PODN: variants seen among roughly 807,000 people sequenced by gnomAD.
PODN encodes podocan proteoglycan.
A neutral mutation model predicts 52.7 loss-of-function variants in PODN; 40 were observed. That is an observed-to-expected ratio of 0.76 (90% CI 0.59 to 0.99). The LOEUF (loss-of-function observed/expected upper bound fraction) is 0.99, where lower values mean the gene tolerates loss of function less well. Among genes scored for constraint, PODN ranks in the 50% least tolerant of loss-of-function variants. PODN has a pLI of 0.00. For missense variants in PODN, 720 were observed against 815.1 expected, an observed-to-expected ratio of 0.88 and a Z score of 1.42; for synonymous variants, 396 against 377.9, an observed-to-expected ratio of 1.05 and a Z score of -0.56.
At chr1:53,064,831 C>T (rs11584651) in intron 1 of PODN, among the ~76,000 whole-genome samples, 1 of 152,222 alleles carries the variant, frequency 6.6e-6, no homozygotes, top group Admixed American at 6.5e-5. Flanking sequence ...AGTAAAGTGG[C>T]TCATCCAGGC....
chr1:53,076,131 C>T (rs1027066384), intron 5 of PODN, among the ~76,000 whole-genome samples, 160 bp downstream of exon 5: 10 of 152,172 alleles, frequency 6.6e-5, no homozygotes, highest in African/African-American at 1.9e-4. Flanking sequence ...GAGGACAACT[C>T]GGGCCAGGAG....
At chr1:53,075,149 C>T (rs1319057550) in intron 4 of PODN, among the ~76,000 whole-genome samples, 1 of 152,210 alleles carries the variant, frequency 6.6e-6, no homozygotes, top group African/African-American at 2.4e-5. Context: ...CCTGTGCCCT[C>T]CCAGACTCTG....
intron 1 of PODN, among the ~76,000 whole-genome samples, chr1:53,068,938 G>A (rs560377078): frequency 3.3e-5 from 5 of 152,320 alleles, no homozygotes; most frequent in African/African-American, 9.6e-5. Flanking sequence ...AGCACATCAG[G>A]CCCTGGTGAG....
At chr1:53,069,479 C>A (rs1161061263) in intron 1 of PODN, among the ~76,000 whole-genome samples, 1 of 152,338 alleles carries the variant, frequency 6.6e-6, no homozygotes, top group Non-Finnish European at 1.5e-5. Flanking sequence ...TCTTCCCACA[C>A]CGCCAGTGCC....
chr1:53,070,218 G>T (rs1182797633), intron 2 of PODN, 51 bp downstream of exon 2: 27 of 1,589,556 alleles, frequency 1.7e-5, no homozygotes, highest in Non-Finnish European at 2.3e-5. Flanking sequence ...ACACACCCTT[G>T]GTTCCCATCC....
chr1:53,070,252 A>C (rs2275455), intron 2 of PODN, 85 bp downstream of exon 2: 78,571 of 1,567,930 alleles, frequency 0.05, 2,603 homozygotes, highest in East Asian at 0.2. Context: ...CTCCAAGCAA[A>C]CTGTTCACCC....
At chr1:53,071,453 C>T in intron 2 of PODN, 82 bp from the exon 3 acceptor site, 1 of 1,177,522 alleles carries the variant, frequency 8.5e-7, no homozygotes, top group South Asian at 1.5e-5. Flanking sequence ...GATTCTAGGA[C>T]TGGAGCTATG....
chr1:53,077,787 A>G lies in PODN; in HGVS notation c.841A>G (p.Asn281Asp). The G allele has an allele frequency of 1.2e-6, 2 of 1,613,418 alleles. No homozygotes were observed. Among genetic ancestry groups the G allele is most frequent in the South Asian group, 2.2e-5 (2 of 91,050 alleles). ...CTACCTGACTGACGAGGGCCTGGAC[A>G]ACGAGACCTTCTGGTGAGTCCTTGT... ...NNYLTDEGLDNETFWKLSSLE... is the reference protein window; with the variant it reads ...NNYLTDEGLDDETFWKLSSLE... The change falls in exon 7 of 11, where the codon AAC (asparagine) becomes GAC (aspartate). Residue 281 changes from asparagine to aspartate, a missense_variant. Physicochemically the swap from Asn to Asp is conservative, Grantham distance 23. Coordinates refer to ENST00000312553, the MANE Select transcript of PODN (RefSeq NM_153703.5).
intron 3 of PODN, among the ~76,000 whole-genome samples, chr1:53,072,583 C>T (rs1021137525): frequency 2.6e-5 from 4 of 152,096 alleles, no homozygotes; most frequent in African/African-American, 7.2e-5. Context: ...TGGACAACCC[C>T]GGTGCCCTCC....
intron 3 of PODN, among the ~76,000 whole-genome samples, chr1:53,072,340 T>C (rs936216703): frequency 1.3e-5 from 2 of 152,220 alleles, no homozygotes; most frequent in African/African-American, 4.8e-5. Context: ...ATACTATTAC[T>C]ATGCAACTCT....
chr1:53,078,989 C>A lies in PODN; in HGVS notation c.1479C>A (p.Gly493=), dbSNP rs760164519. The change falls in exon 8 of 11, where the codon GGC becomes GGA. Residue 493 remains glycine (G), a synonymous_variant. Transcript: ENST00000312553. ...ACCGACTGCGCAGCCGAGCCCTGGGCCCCCGTGCCTGGGTGGACCTCGCCC... is the reference window on the plus strand; with the variant it reads ...ACCGACTGCGCAGCCGAGCCCTGGGACCCCGTGCCTGGGTGGACCTCGCCC... ...TSNRLRSRAL[G]PRAWVDLAHL... is the part of the protein sequence containing the mutation. 15 of 1,565,846 alleles carry A rather than the reference C, an allele frequency of 9.6e-6. No homozygotes were observed. Among genetic ancestry groups the A allele is most frequent in the African/African-American group, 1.4e-5 (1 of 73,886 alleles).
Position 53,079,001 on chromosome 1 carries a change from G to C in PODN, c.1491G>C (p.Trp497Cys). The C allele has an allele frequency of 6.4e-7, 1 of 1,558,802 alleles. No homozygotes were observed. The highest frequency in any genetic ancestry group is 2.4e-5 in the East Asian group (1 of 42,470). ...LRSRALGPRA[W>C]VDLAHLQLLD... is the part of the protein sequence containing the mutation. ...GCCGAGCCCTGGGCCCCCGTGCCTG[G>C]GTGGACCTCGCCCATCTGCAGGTAA... Residue 497 changes from tryptophan (W) to cysteine (C), a missense_variant, in exon 8 of 11, where the codon TGG becomes TGC. Physicochemically the swap from Trp to Cys is radical, Grantham distance 215. Coordinates refer to ENST00000312553, the MANE Select transcript of PODN (RefSeq NM_153703.5).
chr1:53,072,556 G>A (rs929165586), intron 3 of PODN, among the ~76,000 whole-genome samples: 4 of 152,050 alleles, frequency 2.6e-5, no homozygotes, highest in Admixed American at 2.6e-4. Context: ...GCAACTGGGA[G>A]TACGTCAGGG....
chr1:53,081,449 G>A (rs1299870305), intron 9 of PODN, among the ~76,000 whole-genome samples: 1 of 152,222 alleles, frequency 6.6e-6, no homozygotes, highest in African/African-American at 2.4e-5. Context: ...CCCTGGGCTC[G>A]ATGATATCAG....
chr1:53,076,001 G>T (rs751523889), intron 5 of PODN, 30 bp downstream of exon 5: 1 of 1,524,532 alleles, frequency 6.6e-7, no homozygotes, highest in African/African-American at 1.4e-5. Flanking sequence ...CAGGGCTCGG[G>T]CTGGGGCAAG....
chr1:53,072,510 G>A (rs889462124), intron 3 of PODN, among the ~76,000 whole-genome samples: 28 of 152,268 alleles, frequency 1.8e-4, no homozygotes, highest in African/African-American at 6.7e-4. Context: ...GGGCAAATAG[G>A]ACCCTTATAT....
In PODN at chr1:53,071,505, C is replaced by A. The variant is rs944730857; in HGVS notation, c.313-30C>A. ...CAGGGCACACCCCACTAGGCTGATG[C>A]TGCTTCCTTGCGGCCCCCTACCCCC... On this transcript the variant is annotated intron_variant, in intron 2 of 10. Transcript: ENST00000312553. 7 of 1,574,086 alleles carry A rather than the reference C, an allele frequency of 4.4e-6. No homozygotes were observed. In the African/African-American group the frequency reaches 9.5e-5, roughly 21 times the overall value.
At position 53,078,522 on chromosome 1, in the gene PODN, C is replaced by G. The variant is rs201228904; in HGVS notation, c.1012C>G (p.Leu338Val). The G allele has an allele frequency of 1.4e-5, 23 of 1,613,288 alleles. No homozygotes were observed. Among genetic ancestry groups the G allele is most frequent in the Non-Finnish European group, 1.7e-5 (20 of 1,180,046 alleles). Residue 338 changes from leucine (L) to valine (V), a missense_variant, in exon 8 of 11, where the codon CTG becomes GTG. Coordinates refer to ENST00000312553, the MANE Select transcript of PODN (RefSeq NM_153703.5). ...GACCCCCATCCGCAGCCTGGAGTAC[C>G]TGCTGCTGCACAGCAACCAGCTGCG... ...VLTPIRSLEY[L>V]LLHSNQLREQ...
chr1:53,070,466 A>G (rs181332892), intron 2 of PODN, among the ~76,000 whole-genome samples: 2 of 152,314 alleles, frequency 1.3e-5, no homozygotes, highest in African/African-American at 4.8e-5. Context: ...GAAAATGGAC[A>G]CAGACCTGCC....
Sources: allele counts gnomAD v4.1 joint callset (sites outside exome capture counted in the v4.1 genomes callset), GRCh38; gene constraint gnomAD v4.1.1; transcripts MANE v1.5; gene names NCBI Gene and HGNC (gene_info 2026-07-23, HGNC 2026-07-21).